CCDC3: variants seen among roughly 807,000 people sequenced by gnomAD.
CCDC3 encodes the protein coiled-coil domain containing 3.
CCDC3 carries 24 observed loss-of-function variants against 21.4 expected under a neutral mutation model. The observed-to-expected ratio is 1.12, with a 90% confidence interval of 0.81 to 1.58. CCDC3 has a LOEUF of 1.58. CCDC3 is among the 40% of genes most tolerant of loss of function. The pLI is 0.00. For synonymous variants in CCDC3, 186 were observed against 166.0 expected (o/e 1.12, Z -0.93); for missense variants, 425 against 360.9 (o/e 1.18, Z -1.44).
At chr10:13,074,128 A>AATATAT (rs1271921492) in intron 3 of CCDC3, 3 of 103,292 alleles carry the variant, frequency 2.9e-5, no homozygotes, top group East Asian at 3.5e-4. Context: ...AGAGGAATCA[A>AATATAT]ATATATATAT....
chr10:13,049,289 G>T (rs1224753208), intron 5 of CCDC3, among the ~76,000 whole-genome samples: 1 of 152,242 alleles, frequency 6.6e-6, no homozygotes, highest in East Asian at 1.9e-4. Context: ...CTGCTGGGGG[G>T]AAAAAGCCTG....
At chr10:12,909,509 T>G (rs1162274603) in intron 2 of CCDC3, among the ~76,000 whole-genome samples, 1 of 152,178 alleles carries the variant, frequency 6.6e-6, no homozygotes, top group East Asian at 1.9e-4. Flanking sequence ...ATCAGCTCTG[T>G]AAGCTCCATG....
At chr10:12,984,256 G>A (rs12263232) in intron 2 of CCDC3, among the ~76,000 whole-genome samples, 2,336 of 152,238 alleles carry the variant, frequency 0.015, 64 homozygotes, top group African/African-American at 0.053. Context: ...TTGAATAGAC[G>A]TTTCTCCCAA....
chr10:12,904,222 T>G (rs1485760151), intron 2 of CCDC3, among the ~76,000 whole-genome samples: 1 of 151,908 alleles, frequency 6.6e-6, no homozygotes, highest in Non-Finnish European at 1.5e-5. Flanking sequence ...ATCCCAGCAC[T>G]TTGCGAGGCT....
At chr10:13,088,310 C>T (rs1047917118) in intron 3 of CCDC3, among the ~76,000 whole-genome samples, 1 of 152,068 alleles carries the variant, frequency 6.6e-6, no homozygotes, top group African/African-American at 2.4e-5. Flanking sequence ...ACATGCTGCT[C>T]TAAAGATAGA....
At chr10:13,065,031 T>C (rs1836806374) in intron 4 of CCDC3, among the ~76,000 whole-genome samples, 1 of 152,182 alleles carries the variant, frequency 6.6e-6, no homozygotes, top group South Asian at 2.1e-4. Context: ...CTTTCCTCTT[T>C]AGCTTAGTGA....
chr10:12,927,582 G>C (rs967070762), intron 2 of CCDC3, among the ~76,000 whole-genome samples: 1 of 144,386 alleles, frequency 6.9e-6, no homozygotes, highest in African/African-American at 2.5e-5. Flanking sequence ...TGCTACAAAT[G>C]GCAAAAAAAA....
chr10:12,962,379 C>T (rs1380757554), intron 2 of CCDC3, among the ~76,000 whole-genome samples: 6 of 152,084 alleles, frequency 3.9e-5, no homozygotes, highest in East Asian at 1.9e-4. Context: ...CCGAGGCAGG[C>T]GGATCACGAG....
Position 12,954,335 on chromosome 10 carries a change from C to T in CCDC3, c.549+44003G>A, listed in dbSNP as rs192300505. Among the ~76,000 whole-genome samples the T allele has an allele frequency of 4.9e-3, 750 of 152,332 alleles. 6 individuals are homozygous for T. The highest frequency in any genetic ancestry group is 0.048 in the Middle Eastern group (14 of 294). On this transcript the variant is annotated intron_variant, in intron 2 of 2. Coordinates refer to ENST00000378825, the MANE Select transcript of CCDC3 (RefSeq NM_031455.4). ...CAAAGTGTTCATAAAAGACATTCAA[C>T]TCAAATAGTTTTGATTTGGAATGAT...
chr10:13,074,586 C>T (rs1227112207), intron 3 of CCDC3, among the ~76,000 whole-genome samples: 3 of 151,716 alleles, frequency 2.0e-5, no homozygotes, highest in Admixed American at 6.6e-5. Flanking sequence ...CCCCCTCTCC[C>T]ACTCCCTCAG....
At position 13,048,340 on chromosome 10, in the gene CCDC3, C is replaced by T. The variant is rs532217002; in HGVS notation, c.-2+1334G>A. 7.2e-5 allele frequency among the ~76,000 whole-genome samples: 11 copies of T among 151,838 alleles called. No individual in the cohort carries two copies. The South Asian group carries it at 2.1e-3, about 29-fold the overall frequency. ...CCTAGTAGCAGGGACTACAGGTGCG[C>T]ACCACCACACCTGGCTAATTTTTTT... On this transcript the variant is annotated intron_variant, in intron 5 of 6. Transcript: ENST00000378839.
chr10:12,927,096 C>T (rs1250760010), intron 2 of CCDC3, among the ~76,000 whole-genome samples: 1 of 152,106 alleles, frequency 6.6e-6, no homozygotes, highest in Non-Finnish European at 1.5e-5. Context: ...TCCTGTTTTC[C>T]ATCTCCCCTG....
Position 13,001,310 on chromosome 10 carries a change from C to G in CCDC3, c.261G>C (p.Trp87Cys). 1 of 1,606,390 alleles carries G rather than the reference C, an allele frequency of 6.2e-7. No homozygotes were observed. Among genetic ancestry groups the G allele is most frequent in the Non-Finnish European group, 8.5e-7 (1 of 1,177,666 alleles). Residue 87 changes from tryptophan to cysteine, a missense_variant, in exon 1 of 3, where the codon TGG becomes TGC. Coordinates refer to ENST00000378825, the MANE Select transcript of CCDC3 (RefSeq NM_031455.4). The stretch of plus-strand genomic sequence containing the variant: ...CGGCGGGCACCTCCAGCATGCTGCC[C>G]CACGCCTGGTCGCACAGCATCTCGA... ...AEVEMLCDQA[W>C]GSMLEVPAGS...
In CCDC3 at chr10:12,945,980, T is replaced by C. The variant is rs548041936; in HGVS notation, c.550-47301A>G. Among the ~76,000 whole-genome samples, 23 of 152,342 alleles carry C rather than the reference T, an allele frequency of 1.5e-4. No homozygotes were observed. The South Asian group carries it at 4.8e-3, about 32-fold the overall frequency. ...ATTCTTTGGTTTAGTTGGTTGTAATTGGTTTGGTTCATGGGTGCATTGGTT... is the reference window on the plus strand; with the variant it reads ...ATTCTTTGGTTTAGTTGGTTGTAATCGGTTTGGTTCATGGGTGCATTGGTT... On this transcript the variant is annotated intron_variant, in intron 2 of 2. Transcript: ENST00000378825.
chr10:12,949,098 G>A (rs555480549), intron 2 of CCDC3, among the ~76,000 whole-genome samples: 7 of 152,210 alleles, frequency 4.6e-5, no homozygotes, highest in Non-Finnish European at 7.4e-5. Context: ...AATTTTGGGG[G>A]CTCCTGGGAG....
intron 1 of CCDC3, among the ~76,000 whole-genome samples, chr10:13,000,653 A>T (rs1835833092): frequency 6.6e-6 from 1 of 152,162 alleles, no homozygotes; most frequent in African/African-American, 2.4e-5. Flanking sequence ...GGAAGAGGAG[A>T]GAGTGGACAG....
At position 12,931,905 on chromosome 10, in the gene CCDC3, G is replaced by A. The variant is rs928547787; in HGVS notation, c.550-33226C>T. The stretch of plus-strand genomic sequence containing the variant: ...ACTCAGAGGATTTGTGTATTTGGGT[G>A]GGAAAATATTACATTTTTTATATAT... On this transcript the variant is annotated intron_variant, in intron 2 of 2. Coordinates refer to ENST00000378825, the MANE Select transcript of CCDC3 (RefSeq NM_031455.4). 2.6e-5 allele frequency among the ~76,000 whole-genome samples: 4 copies of A among 152,254 alleles called. No individual in the cohort carries two copies. The East Asian group carries it at 7.7e-4, about 29-fold the overall frequency.
intron 5 of CCDC3, among the ~76,000 whole-genome samples, chr10:13,012,698 G>C (rs1835997602): frequency 6.6e-6 from 1 of 152,060 alleles, no homozygotes; most frequent in African/African-American, 2.4e-5. Context: ...TTCAACCCGG[G>C]AGGCAGACGT....
At chr10:13,013,780 G>A (rs1836013905) in intron 5 of CCDC3, among the ~76,000 whole-genome samples, 1 of 152,142 alleles carries the variant, frequency 6.6e-6, no homozygotes, top group Non-Finnish European at 1.5e-5. Flanking sequence ...AAAATAACTG[G>A]CCTATAATCT....
Sources: gnomAD v4.1 joint callset for allele counts (sites outside exome capture counted in the v4.1 genomes callset) on GRCh38, gnomAD v4.1.1 for gene constraint, MANE v1.5 for transcripts, NCBI Gene and HGNC (gene_info 2026-07-23, HGNC 2026-07-21) for gene names.